OR4E2: variants seen among roughly 807,000 people sequenced by gnomAD.
The protein encoded by OR4E2 is olfactory receptor 4E2.
In OR4E2, 9 loss-of-function variants were observed where a neutral mutation model predicts 11.0. The observed-to-expected ratio is 0.82, with a 90% CI of 0.49 to 1.43. The LOEUF (loss-of-function observed/expected upper bound fraction) is 1.43, where lower values mean the gene tolerates loss of function less well. Among genes scored for constraint, OR4E2 ranks in the 40% most tolerant of loss-of-function variants. The probability of loss-of-function intolerance (pLI) is 0.00; values close to 1 mark genes in which losing one functional copy is unlikely to be tolerated. For missense variants in OR4E2, 441 were observed against 382.0 expected, an observed-to-expected ratio of 1.15 and a Z score of -1.29; for synonymous variants, 159 against 147.3, an observed-to-expected ratio of 1.08 and a Z score of -0.57.
chr14:21,663,779 A>G (rs1880470907), intron 3 of OR4E2, among the ~76,000 whole-genome samples: 2 of 152,196 alleles, frequency 1.3e-5, no homozygotes, highest in Non-Finnish European at 2.9e-5. Flanking sequence ...TATTAAGCCC[A>G]GACCTCCACA....
At chr14:21,660,187 G>C (rs1439652628) in intron 2 of OR4E2, among the ~76,000 whole-genome samples, 2 of 152,156 alleles carry the variant, frequency 1.3e-5, no homozygotes, top group East Asian at 3.8e-4. Context: ...TTCTCACAAG[G>C]AGTGCACAAT....
rs974606347 is a variant in OR4E2 at position 21,656,563 on chromosome 14, G to T, written c.-129G>T. The T allele has an allele frequency of 2.0e-5, 3 of 152,146 alleles. No homozygotes were observed. The highest frequency in any genetic ancestry group is 2.0e-4 in the Admixed American group (3 of 15,274). 9.4% of individuals were successfully genotyped at this position (152,146 alleles called of 1,614,324 possible). On this transcript the variant is annotated 5_prime_UTR_variant, in exon 2 of 4. Transcript: ENST00000641524. ...AGTAACTTTATAACAATTAGCTAAA[G>T]CATCCCTGCACAACTGGAGAAAACT...
intron 2 of OR4E2, among the ~76,000 whole-genome samples, chr14:21,658,072 C>T (rs1002666804): frequency 2.6e-5 from 4 of 151,888 alleles, no homozygotes; most frequent in South Asian, 2.1e-4. Flanking sequence ...AAAAAATAAA[C>T]TAAATTTAAT....
At chr14:21,664,788 G>A (rs904359474) in intron 3 of OR4E2, among the ~76,000 whole-genome samples, 4 of 152,168 alleles carry the variant, frequency 2.6e-5, no homozygotes, top group Non-Finnish European at 4.4e-5. Context: ...AATAACTAAT[G>A]TGTAAGGTTT....
intron 2 of OR4E2, among the ~76,000 whole-genome samples, chr14:21,657,353 C>T (rs529386250): frequency 7.0e-6 from 1 of 142,196 alleles, no homozygotes; most frequent in East Asian, 2.1e-4. Context: ...TTCCTTCCTT[C>T]CTTCCTTCCT....
In OR4E2 at chr14:21,665,274, C is replaced by T. The variant is rs372849449; in HGVS notation, c.192C>T (p.Ser64=). The change falls in exon 4 of 4, where the codon AGC becomes AGT. Residue 64 remains serine (S), a synonymous_variant. Coordinates refer to ENST00000641524, the MANE Select transcript of OR4E2 (RefSeq NM_001001912.3). ...SLHTPMYFFL[S]NLSFIDICHS... ...ATACCCCCATGTATTTCTTCCTGAG[C>T]AATCTGTCCTTTATTGACATCTGCC... 19 of 1,613,978 alleles carry T rather than the reference C, an allele frequency of 1.2e-5. No individual in the cohort carries two copies. Among genetic ancestry groups the T allele is most frequent in the Non-Finnish European group, 1.4e-5 (16 of 1,179,978 alleles).
At chr14:21,656,367 C>T (rs1194520410) in intron 1 of OR4E2, 135 bp from the exon 2 acceptor site, 1 of 145,828 alleles carries the variant, frequency 6.9e-6, no homozygotes, top group African/African-American at 2.5e-5. Flanking sequence ...CTCTCTCTCA[C>T]TCACACACAT....
chr14:21,666,836 T>G lies in OR4E2; in HGVS notation c.*812T>G, dbSNP rs1418435467. 6.6e-6 allele frequency: 1 copy of G among 151,956 alleles called. No homozygotes were observed. Among genetic ancestry groups the G allele is most frequent in the Non-Finnish European group, 1.5e-5 (1 of 68,006 alleles). 9.4% of individuals were successfully genotyped at this position (151,956 alleles called of 1,614,324 possible). The stretch of plus-strand genomic sequence containing the variant: ...CCTCCTGAATAGCTGGGACTATAGG[T>G]GCATGCCATCATGCCTGGCTAATTT... On this transcript the variant is annotated 3_prime_UTR_variant, in exon 4 of 4. Coordinates refer to ENST00000641524, the MANE Select transcript of OR4E2 (RefSeq NM_001001912.3).
chr14:21,656,716 A>G (rs1879971468), intron 2 of OR4E2, 127 bp downstream of exon 2: 1 of 152,190 alleles, frequency 6.6e-6, no homozygotes, highest in Non-Finnish European at 1.5e-5. Context: ...GTGTGTGTTT[A>G]GAAGTTTAAT....
At chr14:21,664,567 C>T (rs1236173279) in intron 3 of OR4E2, among the ~76,000 whole-genome samples, 1 of 152,064 alleles carries the variant, frequency 6.6e-6, no homozygotes, top group African/African-American at 2.4e-5. Flanking sequence ...AGGTAGGATG[C>T]CTGGAGGACA....
intron 2 of OR4E2, among the ~76,000 whole-genome samples, chr14:21,656,922 C>A (rs962865469): frequency 1.3e-5 from 2 of 152,276 alleles, no homozygotes; most frequent in Middle Eastern, 3.4e-3. Flanking sequence ...GCACTGATTT[C>A]TTTTTCCTAG....
At chr14:21,663,530 A>G (rs1373538707) in intron 3 of OR4E2, among the ~76,000 whole-genome samples, 1 of 151,884 alleles carries the variant, frequency 6.6e-6, no homozygotes, top group Non-Finnish European at 1.5e-5. Flanking sequence ...TGAACATCTT[A>G]TTTTACTTTA....
chr14:21,660,585 G>A (rs999741440), intron 2 of OR4E2, 68 bp from the exon 3 acceptor site: 1 of 152,126 alleles, frequency 6.6e-6, no homozygotes, highest in African/African-American at 2.4e-5. Context: ...TGTGAACAGG[G>A]AGCCATCGAA....
rs557507248 is a variant in OR4E2 at position 21,658,223 on chromosome 14, T to C, written c.-103+1634T>C. Among the ~76,000 whole-genome samples, 5 of 152,316 alleles carry C rather than the reference T, an allele frequency of 3.3e-5. No homozygotes were observed. In the East Asian group the frequency reaches 9.6e-4, roughly 29 times the overall value. On this transcript the variant is annotated intron_variant, in intron 2 of 3. Coordinates refer to ENST00000641524, the MANE Select transcript of OR4E2 (RefSeq NM_001001912.3). ...AGCTGGGAAAGCCACAAAACACCTC[T>C]GAAGCTTACCTGCATCCCATTTTAT...
intron 3 of OR4E2, among the ~76,000 whole-genome samples, chr14:21,662,451 AC>A (rs1880382678): frequency 6.6e-6 from 1 of 151,908 alleles, no homozygotes; most frequent in Non-Finnish European, 1.5e-5. Flanking sequence ...ACAGGCATGC[AC>A]CACTACACCT....
intron 3 of OR4E2, among the ~76,000 whole-genome samples, chr14:21,663,436 T>A (rs1276118653): frequency 8.6e-5 from 13 of 151,820 alleles, no homozygotes; most frequent in Admixed American, 8.5e-4. Context: ...GCCGAGACCA[T>A]GCCACTGCAC....
chr14:21,661,176 T>C (rs546506225), intron 3 of OR4E2, among the ~76,000 whole-genome samples: 1 of 152,312 alleles, frequency 6.6e-6, no homozygotes, highest in African/African-American at 2.4e-5. Flanking sequence ...TTCAATTCCA[T>C]ACTTCTAGAA....
intron 1 of OR4E2, among the ~76,000 whole-genome samples, chr14:21,655,072 T>C (rs1283732804): frequency 6.6e-6 from 1 of 152,172 alleles, no homozygotes; most frequent in African/African-American, 2.4e-5. Context: ...AGCTAGATCA[T>C]AGTTTGACCA....
chr14:21,656,275 G>A (rs964554058), intron 1 of OR4E2, among the ~76,000 whole-genome samples: 1 of 151,926 alleles, frequency 6.6e-6, no homozygotes, highest in Non-Finnish European at 1.5e-5. Flanking sequence ...TGGGAGAATC[G>A]CATAAGCCCA....
Sources: allele counts gnomAD v4.1 joint callset (sites outside exome capture counted in the v4.1 genomes callset), GRCh38; gene constraint gnomAD v4.1.1; transcripts MANE v1.5; gene names NCBI Gene and HGNC (gene_info 2026-07-23, HGNC 2026-07-21).